GRM7: variants seen among roughly 807,000 people sequenced by gnomAD.
GRM7 encodes glutamate metabotropic receptor 7.
A neutral mutation model predicts 84.5 loss-of-function variants in GRM7; 35 were observed. That is an observed-to-expected ratio of 0.41 (90% CI 0.32 to 0.55). The LOEUF (loss-of-function observed/expected upper bound fraction) is 0.55. GRM7 is among the 20% of genes least tolerant of loss of function. The pLI, the probability that GRM7 is intolerant of heterozygous loss-of-function variation, is 0.19. For synonymous variants in GRM7, 487 were observed against 455.1 expected, an observed-to-expected ratio of 1.07 and a Z score of -0.89; for missense variants, 1,003 against 1,194.6, an observed-to-expected ratio of 0.84 and a Z score of 2.36.
At chr3:7,506,370 A>G (rs901057315) in intron 7 of GRM7, among the ~76,000 whole-genome samples, 19 of 151,726 alleles carry the variant, frequency 1.3e-4, no homozygotes, top group Non-Finnish European at 2.5e-4. Context: ...CCCAGCTTTC[A>G]CTCGAATCAC....
At chr3:7,276,785 T>TCCCTCCCTCCCTCCTC (rs1699077356) in intron 2 of GRM7, among the ~76,000 whole-genome samples, 1 of 62,754 alleles carries the variant, frequency 1.6e-5, no homozygotes, top group African/African-American at 8.2e-5. Flanking sequence ...CTTCCTTCCT[T>TCCCTCCCTCCCTCCTC]CCTTCCTTCC....
At position 7,740,625 on chromosome 3, in the gene GRM7, C is replaced by T. The variant is rs1575688823; in HGVS notation, c.*219C>T. ...AAGTCACTGACATCAGCACTGCCAA[C>T]TCGGCTGCAATTGTGGACCTTCCCT... On this transcript the variant is annotated 3_prime_UTR_variant, in exon 10 of 10. Transcript: ENST00000357716. 2.5e-6 allele frequency: 1 copy of T among 406,038 alleles called. No individual in the cohort carries two copies. Among genetic ancestry groups the T allele is most frequent in the South Asian group, 7.4e-5 (1 of 13,590 alleles). The allele number at this position is 406,038 out of a possible 1,614,324, so 25.2% of individuals were successfully genotyped here.
intron 7 of GRM7, among the ~76,000 whole-genome samples, chr3:7,506,003 A>G (rs1202229684): frequency 1.3e-5 from 2 of 152,166 alleles, no homozygotes; most frequent in Non-Finnish European, 2.9e-5. Flanking sequence ...CTTCCCTTGT[A>G]ATTATAAATT....
intron 8 of GRM7, among the ~76,000 whole-genome samples, chr3:7,673,348 T>C (rs1392409433): frequency 2.0e-5 from 3 of 152,208 alleles, no homozygotes; most frequent in Non-Finnish European, 4.4e-5. Context: ...ATTTCATAAG[T>C]GCATACTCTG....
At chr3:7,562,302 A>G (rs1322114672) in intron 7 of GRM7, among the ~76,000 whole-genome samples, 2 of 152,072 alleles carry the variant, frequency 1.3e-5, no homozygotes, top group Non-Finnish European at 2.9e-5. Flanking sequence ...TGTGCCAGGA[A>G]AAAAAGCTAA....
intron 4 of GRM7, among the ~76,000 whole-genome samples, chr3:7,345,734 G>A (rs899494690): frequency 3.3e-5 from 5 of 151,936 alleles, no homozygotes; most frequent in African/African-American, 1.2e-4. Context: ...TATTAACCCT[G>A]TTTACAGATG....
intron 1 of GRM7, among the ~76,000 whole-genome samples, chr3:6,951,749 G>A (rs1692778320): frequency 6.6e-6 from 1 of 152,150 alleles, no homozygotes; most frequent in Non-Finnish European, 1.5e-5. Context: ...ATTGTTCAGT[G>A]GAAGGTTCTA....
At chr3:7,122,465 AC>A (rs1693258733) in intron 1 of GRM7, among the ~76,000 whole-genome samples, 1 of 152,200 alleles carries the variant, frequency 6.6e-6, no homozygotes, top group Non-Finnish European at 1.5e-5. Context: ...TAAAATGACT[AC>A]TAAAACAAAT....
chr3:7,075,100 A>G (rs545132215), intron 1 of GRM7, among the ~76,000 whole-genome samples: 18 of 152,326 alleles, frequency 1.2e-4, no homozygotes, highest in African/African-American at 4.1e-4. Context: ...AAAAAGGTGC[A>G]GGTCAGGGGA....
chr3:7,211,700 G>A (rs1293224478), intron 2 of GRM7, among the ~76,000 whole-genome samples: 1 of 148,398 alleles, frequency 6.7e-6, no homozygotes, highest in Non-Finnish European at 1.5e-5. Flanking sequence ...CTTTGTTGCG[G>A]ATGTCAACAG....
At chr3:7,358,096 T>G (rs991543938) in intron 4 of GRM7, among the ~76,000 whole-genome samples, 8 of 152,108 alleles carry the variant, frequency 5.3e-5, no homozygotes, top group African/African-American at 1.9e-4. Context: ...AGAATACACA[T>G]GACAAACAAC....
At chr3:7,613,153 C>T (rs980947699) in intron 8 of GRM7, among the ~76,000 whole-genome samples, 2 of 151,906 alleles carry the variant, frequency 1.3e-5, no homozygotes, top group African/African-American at 4.8e-5. Flanking sequence ...TTCTACTTGT[C>T]TCACTTAGTC....
At position 7,584,388 on chromosome 3, in the gene GRM7, G is replaced by T. The variant is rs1463129958; in HGVS notation, c.2451+5031G>T. On this transcript the variant is annotated intron_variant, in intron 8 of 9. Transcript: ENST00000357716. ...ACCTTAAGAGGAAATATTGACTTATGTGCCTGTTGAATTCTGCATGGTCTT... is the reference window on the plus strand; with the variant it reads ...ACCTTAAGAGGAAATATTGACTTATTTGCCTGTTGAATTCTGCATGGTCTT... 3.3e-5 allele frequency among the ~76,000 whole-genome samples: 5 copies of T among 152,276 alleles called. No individual in the cohort carries two copies. The East Asian group carries it at 9.7e-4, about 29-fold the overall frequency.
At chr3:6,941,300 C>G (rs1472850321) in intron 1 of GRM7, among the ~76,000 whole-genome samples, 1 of 152,112 alleles carries the variant, frequency 6.6e-6, no homozygotes, top group Non-Finnish European at 1.5e-5. Context: ...AAATGGCAAA[C>G]GTCTCTATTT....
intron 8 of GRM7, chr3:7,607,107 T>C (rs1170794839): frequency 6.6e-6 from 1 of 152,212 alleles, no homozygotes; most frequent in Non-Finnish European, 1.5e-5. Flanking sequence ...GTTGTGTCTG[T>C]GGTTCTGCTC....
chr3:7,572,812 ACT>A (rs1291708857), intron 7 of GRM7, among the ~76,000 whole-genome samples: 2 of 90,822 alleles, frequency 2.2e-5, no homozygotes, highest in Non-Finnish European at 4.4e-5. Context: ...ACAGAGTGAG[ACT>A]CTATCTCAAA....
intron 1 of GRM7, among the ~76,000 whole-genome samples, chr3:6,961,238 A>G (rs1693285256): frequency 6.6e-6 from 1 of 152,172 alleles, no homozygotes; most frequent in South Asian, 2.1e-4. Context: ...CCTTCTCTTC[A>G]TAATATCACG....
At chr3:7,300,051 T>G (rs1699944726) in intron 3 of GRM7, among the ~76,000 whole-genome samples, 1 of 151,940 alleles carries the variant, frequency 6.6e-6, no homozygotes, top group Non-Finnish European at 1.5e-5. Context: ...GACAAAAATA[T>G]GTCCCTTCTT....
At chr3:7,333,675 C>A in intron 4 of GRM7, among the ~76,000 whole-genome samples, 1 of 148,780 alleles carries the variant, frequency 6.7e-6, no homozygotes, top group Non-Finnish European at 1.5e-5. Context: ...CAAGGATATA[C>A]CAGAGCAAGT....
Sources: gnomAD v4.1 joint callset for allele counts (sites outside exome capture counted in the v4.1 genomes callset) on GRCh38, gnomAD v4.1.1 for gene constraint, MANE v1.5 for transcripts, NCBI Gene and HGNC (gene_info 2026-07-23, HGNC 2026-07-21) for gene names.